The following PUDP variants were observed in gnomAD, a reference collection of about 807,000 sequenced individuals.
PUDP encodes pseudouridine 5'-phosphatase, also known as pseudouridine-5'-phosphatase.
In PUDP, 8 loss-of-function variants were observed where a neutral mutation model predicts 9.4. That is an observed-to-expected ratio of 0.85 (90% CI 0.50 to 1.53). The LOEUF (loss-of-function observed/expected upper bound fraction) is 1.53, where lower values mean the gene tolerates loss of function less well. Among genes scored for constraint, PUDP ranks in the 40% most tolerant of loss-of-function variants. The pLI is 0.00. For synonymous variants in PUDP, 99 were observed against 80.7 expected, an observed-to-expected ratio of 1.23 and a Z score of -1.22; for missense variants, 188 against 189.7, an observed-to-expected ratio of 0.99 and a Z score of 0.05.
chrX:6,982,246 C>T (rs1929046148), intron 1 of PUDP, among the ~76,000 whole-genome samples: 1 of 111,900 alleles, frequency 8.9e-6, no homozygotes, highest in Non-Finnish European at 1.9e-5. Context: ...CTGCCAACTG[C>T]AAATATAAAA....
rs780843030 is a variant in PUDP, at chrX:7,058,782, T to C, written c.511-8310A>G. Among the ~76,000 whole-genome samples, 14 of 111,951 alleles carry C rather than the reference T, an allele frequency of 1.3e-4. No homozygotes were observed. In the East Asian group the frequency reaches 3.9e-3, roughly 32 times the overall value. On this transcript the variant is annotated intron_variant, in intron 3 of 3. Coordinates refer to ENST00000381077, the MANE Select transcript of PUDP (RefSeq NM_012080.5). ...TATTAATTAGTACTTTTGTTTATAT[T>C]ATTCATCAATCCATCCATCTGTCCA... is the stretch of plus-strand genomic sequence containing the variant.
intron 3 of PUDP, among the ~76,000 whole-genome samples, chrX:6,815,315 GA>G (rs1324976121): frequency 9.0e-6 from 1 of 110,835 alleles, no homozygotes; most frequent in South Asian, 3.8e-4. Flanking sequence ...GTAAACAAGG[GA>G]AAAAAAGCAT....
chrX:6,872,631 G>A (rs1190871106), intron 3 of PUDP, among the ~76,000 whole-genome samples: 1 of 105,900 alleles, frequency 9.4e-6, no homozygotes, highest in Non-Finnish European at 1.9e-5. Context: ...TCCAGGAGGC[G>A]GAGGTTTCAG....
chrX:6,770,979 A>G (rs1010037269), intron 3 of PUDP, among the ~76,000 whole-genome samples: 9 of 112,022 alleles, frequency 8.0e-5, no homozygotes, highest in African/African-American at 2.9e-4. Flanking sequence ...ACTCAGTCAT[A>G]TAGAAAAGTT....
At chrX:6,967,508 C>T (rs149944286) in intron 3 of PUDP, among the ~76,000 whole-genome samples, 1,886 of 111,303 alleles carry the variant, frequency 0.017, 40 homozygotes, top group African/African-American at 0.059. Flanking sequence ...TTTGAGTGGC[C>T]GCTTTGCACC....
intron 1 of PUDP, among the ~76,000 whole-genome samples, chrX:6,982,440 G>A (rs1929049276): frequency 9.1e-6 from 1 of 109,978 alleles, no homozygotes; most frequent in Non-Finnish European, 1.9e-5. Flanking sequence ...GCCATCATAG[G>A]GGTGTGGTAA....
At chrX:6,725,156 A>C (rs1039775391), upstream of PUDP, among the ~76,000 whole-genome samples, 1 of 111,620 alleles carries the variant, frequency 9.0e-6, no homozygotes, top group Admixed American at 9.5e-5. Context: ...GAGGGCAGAG[A>C]GAATGGAACT....
intron 2 of PUDP, among the ~76,000 whole-genome samples, chrX:7,083,388 G>A (rs764874825): frequency 1.8e-5 from 2 of 111,696 alleles, no homozygotes; most frequent in Admixed American, 1.9e-4. Flanking sequence ...TAGTATTCAT[G>A]AAGACATATA....
chrX:7,088,902 CGTT>C (rs1363447658), intron 2 of PUDP, among the ~76,000 whole-genome samples: 1 of 112,176 alleles, frequency 8.9e-6, no homozygotes, highest in Non-Finnish European at 1.9e-5. Flanking sequence ...CTGACTCTAA[CGTT>C]GGCTACTGAT....
chrX:6,742,447 C>G (rs996916305), intron 3 of PUDP, among the ~76,000 whole-genome samples: 1 of 112,283 alleles, frequency 8.9e-6, no homozygotes, highest in Non-Finnish European at 1.9e-5. Context: ...TTCACAAAGC[C>G]AAAACATTTG....
intron 3 of PUDP, among the ~76,000 whole-genome samples, chrX:6,830,481 G>T (rs777058163): frequency 4.5e-5 from 5 of 112,217 alleles, no homozygotes; most frequent in African/African-American, 1.6e-4. Flanking sequence ...AAGTAGAAAA[G>T]TTAGTGACAA....
At chrX:6,725,594 C>A (rs1924729298), upstream of PUDP, among the ~76,000 whole-genome samples, 1 of 111,800 alleles carries the variant, frequency 8.9e-6, no homozygotes, top group Non-Finnish European at 1.9e-5. Flanking sequence ...GATTCCATAT[C>A]TTTGTTATTG....
chrX:6,907,957 A>C (rs1219827576), intron 3 of PUDP, among the ~76,000 whole-genome samples: 3 of 112,636 alleles, frequency 2.7e-5, no homozygotes, highest in Non-Finnish European at 5.6e-5. Flanking sequence ...GTTCATTGTT[A>C]TCTCCCCAGA....
Position 6,840,229 on chromosome X carries a change from T to C in PUDP, c.*248-133763A>G, listed in dbSNP as rs1053053372. ...GCCTGCTGCCATGTAAGACGTGACTTTCGCCTTCTGCCATGATTGTGAGGC... is the reference window on the plus strand; with the variant it reads ...GCCTGCTGCCATGTAAGACGTGACTCTCGCCTTCTGCCATGATTGTGAGGC... On this transcript the variant is annotated intron_variant and NMD_transcript_variant, in intron 3 of 3. Coordinates refer to the PUDP transcript ENST00000655425. Among the ~76,000 whole-genome samples the C allele has an allele frequency of 2.7e-5, 3 of 111,996 alleles. No individual in the cohort carries two copies. In the Admixed American group the frequency reaches 2.8e-4, roughly 11 times the overall value.
chrX:6,858,322 C>CTTTTTTTTTTTTTTTTT (rs370817442), intron 3 of PUDP, among the ~76,000 whole-genome samples: 4 of 89,467 alleles, frequency 4.5e-5, no homozygotes, highest in South Asian at 5.5e-4. Flanking sequence ...TTTTTTCTTT[C>CTTTTTTTTTTTTTTTTT]TTTTTTTTTT....
chrX:6,781,211 T>C (rs1925556116), intron 3 of PUDP, among the ~76,000 whole-genome samples: 1 of 111,295 alleles, frequency 9.0e-6, no homozygotes, highest in Admixed American at 9.5e-5. Flanking sequence ...CAATCACATA[T>C]CACACCATGG....
intron 3 of PUDP, among the ~76,000 whole-genome samples, chrX:6,955,771 A>C (rs1474153546): frequency 8.9e-6 from 1 of 111,963 alleles, no homozygotes; most frequent in African/African-American, 3.2e-5. Context: ...GTTATGTAAA[A>C]AATGACAGAA....
At chrX:7,138,754 A>C (rs1368283128) in intron 1 of PUDP, among the ~76,000 whole-genome samples, 3 of 111,977 alleles carry the variant, frequency 2.7e-5, no homozygotes, top group African/African-American at 9.7e-5. Context: ...TGTGAAGAGG[A>C]GCTACACAGG....
chrX:6,826,000 T>C (rs1479259141), intron 3 of PUDP, among the ~76,000 whole-genome samples: 1 of 112,034 alleles, frequency 8.9e-6, no homozygotes, highest in African/African-American at 3.2e-5. Context: ...AGAAATTTTT[T>C]TTAACAAAAA....
Sources: allele counts gnomAD v4.1 joint callset (sites outside exome capture counted in the v4.1 genomes callset), GRCh38; gene constraint gnomAD v4.1.1; transcripts MANE v1.5; gene names NCBI Gene and HGNC (gene_info 2026-07-23, HGNC 2026-07-21).